The following RGS6 variants were observed in gnomAD, a reference collection of about 807,000 sequenced individuals.
RGS6 encodes the protein regulator of G-protein signaling 6.
In RGS6, 30 loss-of-function variants were observed where a neutral mutation model predicts 78.5. The ratio of observed to expected loss-of-function variants is 0.38; its 90% confidence interval spans 0.29 to 0.52. The LOEUF (loss-of-function observed/expected upper bound fraction) is 0.52. Among genes scored for constraint, RGS6 ranks in the 20% least tolerant of loss-of-function variants. RGS6 has a pLI of 0.85. For synonymous variants in RGS6, 206 were observed against 206.0 expected, an observed-to-expected ratio of 1.00 and a Z score of 0.00; for missense variants, 495 against 609.7, an observed-to-expected ratio of 0.81 and a Z score of 1.98.
At chr14:72,300,309 G>A (rs1294792830) in intron 2 of RGS6, among the ~76,000 whole-genome samples, 2 of 152,026 alleles carry the variant, frequency 1.3e-5, no homozygotes, top group African/African-American at 4.8e-5. Context: ...AATGAAACTT[G>A]AGGCTCAGAA....
At position 71,944,802 on chromosome 14, in the gene RGS6, TTTG is replaced by T. The variant is rs886903751; in HGVS notation, c.-21+11869_-21+11871del. On this transcript the variant is annotated intron_variant, in intron 1 of 17. Transcript: ENST00000553525. ...TTGGAGAAATGTATCATTAGGTGATTTTGTTGTTGTGTGAACACCCTAGAGTGT... is the reference window on the plus strand; with the variant it reads ...TTGGAGAAATGTATCATTAGGTGATTTTGTTGTGTGAACACCCTAGAGTGT... 2.4e-4 allele frequency among the ~76,000 whole-genome samples: 36 copies of T among 152,256 alleles called. 1 individual carries two copies. The highest frequency in any genetic ancestry group is 1.6e-3 in the Admixed American group (25 of 15,288).
chr14:71,967,789 A>G (rs902767868), intron 2 of RGS6, among the ~76,000 whole-genome samples: 1 of 152,216 alleles, frequency 6.6e-6, no homozygotes, highest in African/African-American at 2.4e-5. Flanking sequence ...TCGAGTAATA[A>G]GTGGATGATT....
the RGS6 span, among the ~76,000 whole-genome samples, chr14:71,875,104 CTT>C: frequency 6.6e-6 from 1 of 151,920 alleles, no homozygotes; most frequent in East Asian, 1.9e-4. Flanking sequence ...CTAAAATTCT[CTT>C]TTTTTTGTTG....
intron 17 of RGS6, chr14:72,547,033 G>A (rs868349158): frequency 4.0e-6 from 3 of 747,834 alleles, no homozygotes; most frequent in South Asian, 3.5e-5. Context: ...AGCCACATGG[G>A]AACTGTGTGG....
At chr14:71,879,662 C>T in the RGS6 span, among the ~76,000 whole-genome samples, 2 of 152,180 alleles carry the variant, frequency 1.3e-5, no homozygotes, top group African/African-American at 4.8e-5. Flanking sequence ...TTGTCTGCTG[C>T]CATGTAAAAT....
chr14:72,070,133 T>A (rs1388319565), intron 2 of RGS6, among the ~76,000 whole-genome samples: 4 of 149,270 alleles, frequency 2.7e-5, no homozygotes, highest in African/African-American at 9.8e-5. Flanking sequence ...GTGCTTTATT[T>A]CTCTCTCTCT....
intron 17 of RGS6, 66 bp downstream of exon 17, chr14:72,540,160 T>C (rs757732708): frequency 5.7e-5 from 82 of 1,434,240 alleles, no homozygotes; most frequent in African/African-American, 4.5e-4. Flanking sequence ...TCTTCTTCTT[T>C]TTTTTTTTTT....
At chr14:72,538,916 AGCACAGTCC>A (rs1161843154) in intron 16 of RGS6, among the ~76,000 whole-genome samples, 1 of 152,254 alleles carries the variant, frequency 6.6e-6, no homozygotes. Context: ...CTCTGCTTTC[AGCACAGTCC>A]GCAGACCCAC....
At chr14:72,401,168 A>G (rs1031881058) in intron 3 of RGS6, among the ~76,000 whole-genome samples, 2 of 152,120 alleles carry the variant, frequency 1.3e-5, no homozygotes, top group African/African-American at 4.8e-5. Context: ...TCCTTAAAAT[A>G]CTTTTATGAG....
chr14:72,378,485 C>CA (rs1232341293), intron 3 of RGS6, among the ~76,000 whole-genome samples: 2 of 151,714 alleles, frequency 1.3e-5, no homozygotes, highest in African/African-American at 4.8e-5. Flanking sequence ...AGAGAAGACT[C>CA]AAATAAATCA....
intron 2 of RGS6, among the ~76,000 whole-genome samples, chr14:72,241,722 T>C (rs1407060744): frequency 6.6e-6 from 1 of 152,230 alleles, no homozygotes; most frequent in African/African-American, 2.4e-5. Context: ...TAAATAAATA[T>C]TTGAGAGTAC....
At chr14:72,136,671 G>T (rs1196076997) in intron 2 of RGS6, among the ~76,000 whole-genome samples, 1 of 152,174 alleles carries the variant, frequency 6.6e-6, no homozygotes, top group Non-Finnish European at 1.5e-5. Flanking sequence ...AATTATGAGA[G>T]CTACAATTCA....
chr14:72,155,312 C>T (rs1054553292), intron 2 of RGS6, among the ~76,000 whole-genome samples: 17 of 152,136 alleles, frequency 1.1e-4, no homozygotes, highest in South Asian at 2.1e-4. Flanking sequence ...GAACAGTGGC[C>T]GAGGTTAACA....
At chr14:72,541,285 T>C in intron 17 of RGS6, 1 of 924,934 alleles carries the variant, frequency 1.1e-6, no homozygotes. Flanking sequence ...GCTCCTGGGT[T>C]GAAAGCAGCC....
chr14:72,316,546 T>C (rs2070280107), intron 2 of RGS6, among the ~76,000 whole-genome samples: 1 of 152,336 alleles, frequency 6.6e-6, no homozygotes, highest in Non-Finnish European at 1.5e-5. Flanking sequence ...TTCATCCATG[T>C]CCCTACAAAC....
chr14:72,629,906 A>T, the RGS6 span, among the ~76,000 whole-genome samples: 3 of 152,068 alleles, frequency 2.0e-5, no homozygotes, highest in South Asian at 6.2e-4. Flanking sequence ...TTCACCACCC[A>T]GTTATTCAGA....
chr14:72,046,207 T>C (rs1172159808), intron 2 of RGS6, among the ~76,000 whole-genome samples: 1 of 118,634 alleles, frequency 8.4e-6, no homozygotes, highest in Admixed American at 8.5e-5. Context: ...TTGTTGGGTT[T>C]TTTTTTTTTT....
At chr14:72,516,038 C>T (rs1390883292) in intron 14 of RGS6, among the ~76,000 whole-genome samples, 6 of 152,266 alleles carry the variant, frequency 3.9e-5, no homozygotes, top group Non-Finnish European at 7.3e-5. Context: ...CCTCTGTGAA[C>T]CTGGTTCTCC....
At chr14:72,011,078 A>C (rs1404582301) in intron 2 of RGS6, among the ~76,000 whole-genome samples, 1 of 152,224 alleles carries the variant, frequency 6.6e-6, no homozygotes, top group Non-Finnish European at 1.5e-5. Flanking sequence ...TGAGCTCCTG[A>C]AAGTAAATTT....
Sources: gnomAD v4.1 joint callset for allele counts (sites outside exome capture counted in the v4.1 genomes callset) on GRCh38, gnomAD v4.1.1 for gene constraint, MANE v1.5 for transcripts, NCBI Gene and HGNC (gene_info 2026-07-23, HGNC 2026-07-21) for gene names.